Variants in PCM1 observed in about 807,000 individuals in gnomAD.
PCM1 encodes the protein pericentriolar material 1, also known as pericentriolar material 1 protein.
A neutral mutation model predicts 241.9 loss-of-function variants in PCM1; 157 were observed. The observed-to-expected ratio is 0.65, with a 90% CI of 0.57 to 0.74. The LOEUF (loss-of-function observed/expected upper bound fraction) is 0.74, where lower values mean the gene tolerates loss of function less well. PCM1 is among the 30% of genes least tolerant of loss of function. The pLI is 0.00. For synonymous variants in PCM1, 1,085 were observed against 784.9 expected, an observed-to-expected ratio of 1.38 and a Z score of -6.39; for missense variants, 3,478 against 2,360.1, an observed-to-expected ratio of 1.47 and a Z score of -9.81.
At chr8:17,937,025 A>T (rs2060626497) in intron 3 of PCM1, 109 bp from the exon 4 acceptor site, 4 of 819,220 alleles carry the variant, frequency 4.9e-6, no homozygotes, top group Non-Finnish European at 7.5e-6. Context: ...TCTGTCAAAA[A>T]TGTCTTGTCT....
chr8:18,014,318 A>T (rs182791331), intron 35 of PCM1, among the ~76,000 whole-genome samples: 63 of 151,544 alleles, frequency 4.2e-4, no homozygotes, highest in South Asian at 6.3e-4. Context: ...ATTTAAAAAA[A>T]AAATCTATTT....
chr8:17,967,202 AAAAGC>A, intron 21 of PCM1, 32 bp downstream of exon 21: 2 of 1,480,726 alleles, frequency 1.4e-6, no homozygotes, highest in Non-Finnish European at 1.8e-6. Context: ...GAAAATAAAT[AAAAGC>A]AAAGTGTTTG....
intron 29 of PCM1, among the ~76,000 whole-genome samples, chr8:18,001,263 G>A (rs930028239): frequency 6.6e-6 from 1 of 152,170 alleles, no homozygotes; most frequent in Non-Finnish European, 1.5e-5. Context: ...TTAAATATTT[G>A]TGTTTATTCT....
intron 36 of PCM1, among the ~76,000 whole-genome samples, chr8:18,018,143 T>C (rs577844227): frequency 3.3e-5 from 5 of 152,302 alleles, no homozygotes; most frequent in Admixed American, 1.3e-4. Flanking sequence ...TGGACTAATC[T>C]CAGAAAAGCA....
At chr8:17,956,857 T>A in intron 11 of PCM1, 80 bp downstream of exon 11, 16 of 1,097,042 alleles carry the variant, frequency 1.5e-5, no homozygotes, top group Non-Finnish European at 2.1e-5. Context: ...AAATACTTCG[T>A]TGTAGTATTT....
At chr8:17,958,451 A>T (rs933443073) in intron 13 of PCM1, among the ~76,000 whole-genome samples, 5 of 152,190 alleles carry the variant, frequency 3.3e-5, no homozygotes, top group African/African-American at 1.2e-4. Flanking sequence ...ACAAATGTAA[A>T]AATATACAAT....
At chr8:18,027,416 G>C (rs1327797417) in intron 38 of PCM1, among the ~76,000 whole-genome samples, 1 of 152,120 alleles carries the variant, frequency 6.6e-6, no homozygotes, top group Non-Finnish European at 1.5e-5. Flanking sequence ...AGTGTTTTTA[G>C]AGAGACACGA....
In PCM1 at chr8:18,008,682, G is replaced by C. The variant is rs556409738; in HGVS notation, c.4963-865G>C. Among the ~76,000 whole-genome samples, 5 of 152,226 alleles carry C rather than the reference G, an allele frequency of 3.3e-5. No homozygotes were observed. In the South Asian group the frequency reaches 1.0e-3, roughly 32 times the overall value. ...TCTAATTAGTTGAGGTGATGTTTTTGTTTCAGAAAAGGTGGAAGATGAGTC... is the reference window on the plus strand; with the variant it reads ...TCTAATTAGTTGAGGTGATGTTTTTCTTTCAGAAAAGGTGGAAGATGAGTC... On this transcript the variant is annotated intron_variant, in intron 30 of 38. Coordinates refer to ENST00000325083, the MANE Select transcript of PCM1 (RefSeq NM_006197.4).
chr8:17,953,351 T>C (rs1304777932), intron 9 of PCM1, among the ~76,000 whole-genome samples, 165 bp downstream of exon 9: 1 of 152,120 alleles, frequency 6.6e-6, no homozygotes, highest in African/African-American at 2.4e-5. Flanking sequence ...CCAATATATA[T>C]GAAAGCCAAA....
intron 6 of PCM1, among the ~76,000 whole-genome samples, chr8:17,943,862 C>A (rs1470211011): frequency 1.3e-5 from 2 of 152,186 alleles, no homozygotes; most frequent in East Asian, 3.9e-4. Context: ...GTGGAAAACA[C>A]AGTTGAGGGT....
chr8:17,969,707 A>G lies in PCM1; in HGVS notation c.3543A>G (p.Lys1181=). ...SGKTEYMAFP[K]PFESSSSIGA... ...AAACAGAATATATGGCTTTTCCAAA[A>G]CCTTTTGAAAGCAGTTCCTCTATTG... The change falls in exon 22 of 39, where the codon AAA becomes AAG. Residue 1181 remains lysine (K), a synonymous_variant. Transcript: ENST00000325083. 1 of 1,612,242 alleles carries G rather than the reference A, an allele frequency of 6.2e-7. No individual in the cohort carries two copies. Among genetic ancestry groups the G allele is most frequent in the South Asian group, 1.1e-5 (1 of 90,970 alleles).
intron 22 of PCM1, among the ~76,000 whole-genome samples, 153 bp downstream of exon 22, chr8:17,969,901 A>C (rs537360732): frequency 6.6e-6 from 1 of 152,310 alleles, no homozygotes; most frequent in African/African-American, 2.4e-5. Context: ...TCAGTAGATG[A>C]GATGCCAGAT....
intron 8 of PCM1, among the ~76,000 whole-genome samples, chr8:17,952,521 G>A (rs750271770): frequency 6.6e-6 from 1 of 152,072 alleles, no homozygotes; most frequent in Non-Finnish European, 1.5e-5. Flanking sequence ...AACCAACCAT[G>A]GATCAGGAAT....
In PCM1 at chr8:17,985,952, T is replaced by TA. The variant is rs750179607; in HGVS notation, c.4282-6dup. ...TATATAAATGATGATCTTATTTTCTTATTTAGGACATAGTATCCAGACATA... is the reference window on the plus strand; with the variant it reads ...TATATAAATGATGATCTTATTTTCTTAATTTAGGACATAGTATCCAGACATA... On this transcript the variant is annotated splice_polypyrimidine_tract_variant and splice_region_variant and intron_variant, in intron 25 of 38. Transcript: ENST00000325083. 3 of 1,496,158 alleles carry TA rather than the reference T, an allele frequency of 2.0e-6. No homozygotes were observed. In the South Asian group the frequency reaches 3.8e-5, roughly 19 times the overall value. 92.7% of individuals were successfully genotyped at this position (1,496,158 alleles called of 1,614,324 possible).
At chr8:18,005,654 G>C (rs2091079944) in intron 29 of PCM1, among the ~76,000 whole-genome samples, 1 of 152,146 alleles carries the variant, frequency 6.6e-6, no homozygotes, top group South Asian at 2.1e-4. Flanking sequence ...TTTAAGAAGA[G>C]ACACTTGACT....
At chr8:17,957,510 A>G (rs775511604) in intron 12 of PCM1, 30 bp from the exon 13 acceptor site, 10 of 1,602,756 alleles carry the variant, frequency 6.2e-6, no homozygotes, top group Non-Finnish European at 8.5e-6. Context: ...TTTAAAAGTT[A>G]CTGGTTTTAA....
chr8:17,939,699 C>T lies in PCM1; in HGVS notation c.621C>T (p.Ser207=), dbSNP rs2061477146. ...AAATATTTCCCCTGCAGATTGTAAG[C>T]AGGCTTGTTCAAATTCGCGATTATA... is the stretch of plus-strand genomic sequence containing the variant. ...EPAMESSQIV[S]RLVQIRDYIT... is the part of the protein sequence containing the mutation. Residue 207 remains serine, a synonymous_variant, in exon 6 of 39, where the codon AGC becomes AGT. Coordinates refer to ENST00000325083, the MANE Select transcript of PCM1 (RefSeq NM_006197.4). The T allele has an allele frequency of 6.6e-7, 1 of 1,523,622 alleles. No homozygotes were observed. Among genetic ancestry groups the T allele is most frequent in the Non-Finnish European group, 8.8e-7 (1 of 1,132,916 alleles). The allele number at this position is 1,523,622 out of a possible 1,614,324, so 94.4% of individuals were successfully genotyped here. A position where few individuals can be genotyped will look rare whatever the true frequency, so the allele number is the denominator to read the frequency against.
intron 36 of PCM1, among the ~76,000 whole-genome samples, chr8:18,023,448 A>G (rs995222512): frequency 6.6e-6 from 1 of 152,204 alleles, no homozygotes; most frequent in African/African-American, 2.4e-5. Context: ...AAAAGTTTTA[A>G]TGATACTTTC....
chr8:17,983,223 T>G lies in PCM1; in HGVS notation c.4109-2224T>G, dbSNP rs1308627145. The G allele has an allele frequency of 6.1e-6, 8 of 1,314,954 alleles. No homozygotes were observed. In the South Asian group the frequency reaches 9.9e-5, roughly 16 times the overall value. The allele number at this position is 1,314,954 out of a possible 1,614,324, so 81.5% of individuals were successfully genotyped here. ...TTTATGTTCATCCTTATGTCTGCCCTTTCCTACAGCACATGCTAGGAGAAT... is the reference window on the plus strand; with the variant it reads ...TTTATGTTCATCCTTATGTCTGCCCGTTCCTACAGCACATGCTAGGAGAAT... On this transcript the variant is annotated intron_variant, in intron 24 of 38. Transcript: ENST00000325083.
Sources: gnomAD v4.1 joint callset for allele counts (sites outside exome capture counted in the v4.1 genomes callset) on GRCh38, gnomAD v4.1.1 for gene constraint, MANE v1.5 for transcripts, NCBI Gene and HGNC (gene_info 2026-07-23, HGNC 2026-07-21) for gene names.